The following AGTPBP1 variants were observed in gnomAD, a reference collection of about 807,000 sequenced individuals.
The protein encoded by AGTPBP1 is ATP/GTP binding carboxypeptidase 1, also known as cytosolic carboxypeptidase 1.
AGTPBP1 carries 70 observed loss-of-function variants against 143.9 expected under a neutral mutation model. The observed-to-expected ratio is 0.49, with a 90% CI of 0.40 to 0.59. The LOEUF is 0.59. Among genes scored for constraint, AGTPBP1 ranks in the 20% least tolerant of loss-of-function variants. The probability of loss-of-function intolerance (pLI) is 0.00; values close to 1 mark genes in which losing one functional copy is unlikely to be tolerated. For synonymous variants in AGTPBP1, 463 were observed against 500.2 expected (o/e 0.93, Z 0.99); for missense variants, 1,229 against 1,464.5 (o/e 0.84, Z 2.62).
At position 85,579,101 on chromosome 9, in the gene AGTPBP1, T is replaced by A. The variant is rs1564027035; in HGVS notation, c.3166-5A>T. 1.3e-6 allele frequency: 2 copies of A among 1,583,610 alleles called. No homozygotes were observed. The highest frequency in any genetic ancestry group is 1.7e-6 in the Non-Finnish European group (2 of 1,171,946). On this transcript the variant is annotated splice_polypyrimidine_tract_variant and splice_region_variant and intron_variant, in intron 23 of 25. Coordinates refer to ENST00000357081, the MANE Select transcript of AGTPBP1 (RefSeq NM_001330701.2). ...GCTCAGTATCTTAGGCAATGTCTGT[T>A]AAAAACAAGAATGATGATGATAAAA...
chr9:85,648,524 G>A (rs188746765), intron 11 of AGTPBP1, among the ~76,000 whole-genome samples: 104 of 147,140 alleles, frequency 7.1e-4, no homozygotes, highest in Admixed American at 6.7e-3. Flanking sequence ...AAAAAGAAAG[G>A]GATTGAATTA....
At chr9:85,756,552 G>GATAA in the AGTPBP1 span, among the ~76,000 whole-genome samples, 1 of 151,958 alleles carries the variant, frequency 6.6e-6, no homozygotes, top group Non-Finnish European at 1.5e-5. Flanking sequence ...TGGATAGATA[G>GATAA]ATAGATAGAC....
intron 3 of AGTPBP1, among the ~76,000 whole-genome samples, chr9:85,681,978 G>A (rs557455329): frequency 2.8e-4 from 43 of 151,436 alleles, no homozygotes; most frequent in Non-Finnish European, 1.2e-4. Context: ...TTGAACTCCT[G>A]ACCTCATGAT....
the AGTPBP1 span, among the ~76,000 whole-genome samples, chr9:85,760,187 G>T: frequency 3.3e-5 from 5 of 152,080 alleles, no homozygotes; most frequent in Admixed American, 1.3e-4. Context: ...TTCTACCAGA[G>T]GTACAAGGAG....
chr9:85,786,490 A>G, the AGTPBP1 span: 6 of 1,613,800 alleles, frequency 3.7e-6, no homozygotes, highest in Admixed American at 1.0e-4. Flanking sequence ...TGGAACTATC[A>G]TTGCGACGTT....
intron 12 of AGTPBP1, among the ~76,000 whole-genome samples, chr9:85,643,801 C>A (rs1232785093): frequency 6.6e-6 from 1 of 152,176 alleles, no homozygotes; most frequent in African/African-American, 2.4e-5. Flanking sequence ...GTCAGATTAT[C>A]TACTACCCAA....
At chr9:85,710,699 C>CAACAA (rs1554733099) in intron 2 of AGTPBP1, among the ~76,000 whole-genome samples, 7 of 146,614 alleles carry the variant, frequency 4.8e-5, no homozygotes, top group African/African-American at 1.7e-4. Flanking sequence ...ACAACAACAA[C>CAACAA]AAAAAAAACA....
intron 2 of AGTPBP1, among the ~76,000 whole-genome samples, chr9:85,710,734 G>A (rs1378997615): frequency 6.6e-6 from 1 of 151,748 alleles, no homozygotes; most frequent in African/African-American, 2.4e-5. Flanking sequence ...TATACTTCAT[G>A]AGAAAAAAAT....
the AGTPBP1 span, among the ~76,000 whole-genome samples, chr9:85,785,312 C>T: frequency 1.3e-5 from 2 of 151,596 alleles, no homozygotes; most frequent in Non-Finnish European, 2.9e-5. Flanking sequence ...CCAACCTGGG[C>T]GACAGAGCGA....
At chr9:85,616,837 C>T (rs1033398170) in intron 17 of AGTPBP1, among the ~76,000 whole-genome samples, 2 of 151,902 alleles carry the variant, frequency 1.3e-5, no homozygotes, top group African/African-American at 4.8e-5. Flanking sequence ...AGTTTAAAAT[C>T]ACAAAATGTG....
rs1405239182 is a variant in AGTPBP1 at position 85,660,986 on chromosome 9, C to T, written c.663-13G>A. ...GTCTAAAGCAACCCTGTCAACACAA[C>T]AAGAAAACACAAACAACAACAAAAC... On this transcript the variant is annotated splice_polypyrimidine_tract_variant and intron_variant, in intron 8 of 25. Transcript: ENST00000357081. The T allele has an allele frequency of 1.9e-6, 3 of 1,585,164 alleles. No homozygotes were observed. Among genetic ancestry groups the T allele is most frequent in the African/African-American group, 2.7e-5 (2 of 73,456 alleles).
chr9:85,651,064 C>A (rs1833134413), intron 11 of AGTPBP1, among the ~76,000 whole-genome samples: 1 of 152,100 alleles, frequency 6.6e-6, no homozygotes, highest in South Asian at 2.1e-4. Flanking sequence ...TTTTTTAACC[C>A]AATCTGGGAG....
At chr9:85,665,450 A>G (rs1199090209) in intron 8 of AGTPBP1, among the ~76,000 whole-genome samples, 1 of 152,178 alleles carries the variant, frequency 6.6e-6, no homozygotes, top group Non-Finnish European at 1.5e-5. Context: ...CTGGAACTAT[A>G]AAACAATAAA....
At chr9:85,732,666 C>T (rs1357496210) in intron 1 of AGTPBP1, among the ~76,000 whole-genome samples, 1 of 151,922 alleles carries the variant, frequency 6.6e-6, no homozygotes, top group Non-Finnish European at 1.5e-5. Flanking sequence ...ATTAAATTTG[C>T]CAATCAAAAC....
chr9:85,725,992 T>C (rs117545686), intron 1 of AGTPBP1, among the ~76,000 whole-genome samples: 2,228 of 147,732 alleles, frequency 0.015, 25 homozygotes, highest in Middle Eastern at 0.04. Context: ...GAGGTTGCAG[T>C]TTGCAGTGAG....
At chr9:85,604,026 A>T (rs1829839372) in intron 17 of AGTPBP1, among the ~76,000 whole-genome samples, 1 of 152,236 alleles carries the variant, frequency 6.6e-6, no homozygotes, top group Non-Finnish European at 1.5e-5. Flanking sequence ...AATGCTGTAC[A>T]GCATTCTGGA....
intron 25 of AGTPBP1, among the ~76,000 whole-genome samples, chr9:85,563,750 C>T (rs942168120): frequency 4.6e-5 from 7 of 152,166 alleles, no homozygotes; most frequent in African/African-American, 7.2e-5. Context: ...AAGAAAAGAA[C>T]GACCACCCTC....
At chr9:85,794,836 C>A in the AGTPBP1 span, among the ~76,000 whole-genome samples, 1 of 152,098 alleles carries the variant, frequency 6.6e-6, no homozygotes, top group African/African-American at 2.4e-5. Flanking sequence ...ACATGTCTTA[C>A]ACTTCTTTGG....
chr9:85,720,929 T>C (rs1311993633), intron 1 of AGTPBP1, among the ~76,000 whole-genome samples: 1 of 152,208 alleles, frequency 6.6e-6, no homozygotes. Context: ...ATGTACCCAG[T>C]AGTCATTCAG....
Sources: allele counts gnomAD v4.1 joint callset (sites outside exome capture counted in the v4.1 genomes callset), GRCh38; gene constraint gnomAD v4.1.1; transcripts MANE v1.5; gene names NCBI Gene and HGNC (gene_info 2026-07-23, HGNC 2026-07-21).